Variants in SLC44A3 observed in about 807,000 individuals in gnomAD.
SLC44A3 encodes the protein solute carrier family 44 member 3, also known as choline transporter-like protein 3.
Under a neutral mutation model 75.4 loss-of-function variants are expected in SLC44A3, and 74 were observed. That is an observed-to-expected ratio of 0.98 (90% CI 0.81 to 1.19). SLC44A3 has a LOEUF of 1.19. Among genes scored for constraint, SLC44A3 ranks in the 50% most tolerant of loss-of-function variants. The pLI, the probability that SLC44A3 is intolerant of heterozygous loss-of-function variation, is 0.00. For synonymous variants in SLC44A3, 310 were observed against 296.9 expected (o/e 1.04, Z -0.45); for missense variants, 700 against 778.6 (o/e 0.90, Z 1.20).
At chr1:94,843,344 G>A (rs1258618223) in intron 8 of SLC44A3, 4 of 152,266 alleles carry the variant, frequency 2.6e-5, no homozygotes, top group African/African-American at 9.7e-5. Context: ...TTCATTTGTT[G>A]TGAGTTCTTA....
At chr1:94,877,973 A>G (rs1049135331) in intron 12 of SLC44A3, among the ~76,000 whole-genome samples, 8 of 152,134 alleles carry the variant, frequency 5.3e-5, no homozygotes, top group Non-Finnish European at 8.8e-5. Flanking sequence ...GGTGGCTCAC[A>G]CCTGTAATCC....
intron 13 of SLC44A3, among the ~76,000 whole-genome samples, chr1:94,891,851 AGGCGG>A (rs1670251583): frequency 6.6e-6 from 1 of 151,184 alleles, no homozygotes; most frequent in Admixed American, 6.6e-5. Context: ...TGAACCTGGG[AGGCGG>A]AGGTTGCAGT....
chr1:94,868,856 G>A (rs72958591), intron 12 of SLC44A3, among the ~76,000 whole-genome samples: 2,035 of 152,326 alleles, frequency 0.013, 53 homozygotes, highest in African/African-American at 0.047. Context: ...GGTACTTTCC[G>A]CATCCCTCTT....
At chr1:94,835,440 T>C (rs898517328) in intron 5 of SLC44A3, among the ~76,000 whole-genome samples, 1 of 152,252 alleles carries the variant, frequency 6.6e-6, no homozygotes, top group Non-Finnish European at 1.5e-5. Flanking sequence ...TGTTAAATCT[T>C]AATTTTCACA....
intron 12 of SLC44A3, among the ~76,000 whole-genome samples, chr1:94,889,679 A>G (rs1367458379): frequency 6.6e-6 from 1 of 152,200 alleles, no homozygotes; most frequent in Non-Finnish European, 1.5e-5. Context: ...AACAGTCAAC[A>G]TGTCCCAGCT....
At position 94,824,513 on chromosome 1, in the gene SLC44A3, G is replaced by A. The variant is rs1019892007; in HGVS notation, c.156G>A (p.Ser52=). ...WTGLVFIMGY[S]VVAGAAGRLL... ...GCCAGGTGTTTATCATGGGCTACTCGGTGGTGGCTGGAGCCGCGGGAAGAC... is the reference window on the plus strand; with the variant it reads ...GCCAGGTGTTTATCATGGGCTACTCAGTGGTGGCTGGAGCCGCGGGAAGAC... The change falls in exon 3 of 15, where the codon TCG becomes TCA. Residue 52 remains serine, a synonymous_variant. Coordinates refer to ENST00000271227, the MANE Select transcript of SLC44A3 (RefSeq NM_001114106.3). 19 of 1,607,012 alleles carry A rather than the reference G, an allele frequency of 1.2e-5. No individual in the cohort carries two copies. Among genetic ancestry groups the A allele is most frequent in the Admixed American group, 1.7e-5 (1 of 57,612 alleles).
intron 9 of SLC44A3, chr1:94,855,543 A>G (rs930382791): frequency 8.5e-5 from 13 of 152,196 alleles, no homozygotes; most frequent in African/African-American, 3.1e-4. Context: ...TTAGAAAACC[A>G]TAGGCATTTA....
intron 10 of SLC44A3, among the ~76,000 whole-genome samples, chr1:94,858,088 A>G (rs899262401): frequency 6.6e-6 from 1 of 152,066 alleles, no homozygotes; most frequent in Non-Finnish European, 1.5e-5. Flanking sequence ...CTGGGATTAC[A>G]GGTGTGAGCC....
intron 12 of SLC44A3, chr1:94,888,570 T>C: frequency 1.4e-6 from 1 of 731,972 alleles, no homozygotes; most frequent in African/African-American, 1.9e-5. Context: ...AACAGCTGGT[T>C]TGAGATTTTC....
At chr1:94,824,172 T>C (rs1234969074) in intron 2 of SLC44A3, among the ~76,000 whole-genome samples, 1 of 149,420 alleles carries the variant, frequency 6.7e-6, no homozygotes. Flanking sequence ...GGAAGAAAAA[T>C]TGAATTGTCC....
chr1:94,858,982 A>ACC, intron 10 of SLC44A3, among the ~76,000 whole-genome samples: 1 of 152,080 alleles, frequency 6.6e-6, no homozygotes, highest in Non-Finnish European at 1.5e-5. Context: ...GAGCCACGAC[A>ACC]CCCGGCCACC....
intron 9 of SLC44A3, among the ~76,000 whole-genome samples, chr1:94,853,482 A>T (rs375827632): frequency 1.3e-5 from 2 of 152,190 alleles, no homozygotes; most frequent in Non-Finnish European, 2.9e-5. Flanking sequence ...CAATAGAGAG[A>T]AAGATTTTGA....
In SLC44A3 at chr1:94,892,150, ACAAG is replaced by A. The variant is rs1670287205; in HGVS notation, c.1621-128_1621-125del. ...CTATTTCATTCTGCCAAAATTTCTG[ACAAG>A]CATTCTTTACAATAGTGCACACACA... On this transcript the variant is annotated intron_variant, in intron 13 of 14. Transcript: ENST00000271227. 6.0e-5 allele frequency: 51 copies of A among 846,284 alleles called. No individual in the cohort carries two copies. The South Asian group carries it at 9.3e-4, about 15-fold the overall frequency. The allele number at this position is 846,284 out of a possible 1,614,324, so 52.4% of individuals were successfully genotyped here.
intron 10 of SLC44A3, among the ~76,000 whole-genome samples, chr1:94,859,151 G>A (rs1355745884): frequency 1.3e-5 from 2 of 152,220 alleles, no homozygotes; most frequent in Non-Finnish European, 2.9e-5. Context: ...AGCAAAGAGA[G>A]TATTCTAACC....
At chr1:94,863,988 C>G (rs1022856756) in intron 10 of SLC44A3, among the ~76,000 whole-genome samples, 1 of 152,232 alleles carries the variant, frequency 6.6e-6, no homozygotes, top group Non-Finnish European at 1.5e-5. Flanking sequence ...CTAGAACTGG[C>G]TTCAGCGGGA....
intron 6 of SLC44A3, chr1:94,839,026 G>T (rs1663194172): frequency 6.6e-6 from 1 of 152,194 alleles, no homozygotes; most frequent in Admixed American, 6.5e-5. Flanking sequence ...TTTAGGACTT[G>T]GCCAGTGTTG....
intron 12 of SLC44A3, among the ~76,000 whole-genome samples, chr1:94,878,070 T>A (rs1230698011): frequency 6.6e-6 from 1 of 151,904 alleles, no homozygotes; most frequent in Non-Finnish European, 1.5e-5. Context: ...CCGTCTCTAC[T>A]AAAAATACAA....
intron 9 of SLC44A3, among the ~76,000 whole-genome samples, chr1:94,848,481 G>T (rs11165259): frequency 6.6e-5 from 10 of 152,122 alleles, no homozygotes; most frequent in African/African-American, 2.4e-4. Context: ...TATGGCTCAG[G>T]ACCAGTGAAG....
chr1:94,824,475 T>G lies in SLC44A3; in HGVS notation c.136-18T>G. 1 of 1,582,010 alleles carries G rather than the reference T, an allele frequency of 6.3e-7. No homozygotes were observed. The highest frequency in any genetic ancestry group is 8.6e-7 in the Non-Finnish European group (1 of 1,167,730). ...TCAGCCCTTTGGCCAGGCTCTCATATGCCCCCGTTTTTGCCAGGTGTTTAT... is the reference window on the plus strand; with the variant it reads ...TCAGCCCTTTGGCCAGGCTCTCATAGGCCCCCGTTTTTGCCAGGTGTTTAT... On this transcript the variant is annotated intron_variant, in intron 2 of 14. Coordinates refer to ENST00000271227, the MANE Select transcript of SLC44A3 (RefSeq NM_001114106.3).
Sources: gnomAD v4.1 joint callset for allele counts (sites outside exome capture counted in the v4.1 genomes callset) on GRCh38, gnomAD v4.1.1 for gene constraint, MANE v1.5 for transcripts, NCBI Gene and HGNC (gene_info 2026-07-23, HGNC 2026-07-21) for gene names.